DOCK11: variants seen among roughly 807,000 people sequenced by gnomAD.
DOCK11 encodes the protein dedicator of cytokinesis protein 11.
DOCK11 carries 70 observed loss-of-function variants against 169.1 expected under a neutral mutation model. The ratio of observed to expected loss-of-function variants is 0.41; its 90% CI spans 0.34 to 0.51. The LOEUF (loss-of-function observed/expected upper bound fraction) is 0.51. DOCK11 is among the 20% of genes least tolerant of loss of function. DOCK11 has a pLI of 0.10. For missense variants in DOCK11, 1,166 were observed against 1,538.8 expected (o/e 0.76, Z 4.05); for synonymous variants, 529 against 541.3 (o/e 0.98, Z 0.32).
chrX:118,630,287 CCAAA>C (rs1375709514), intron 34 of DOCK11, 88 bp from the exon 35 acceptor site: 4 of 504,713 alleles, frequency 7.9e-6, no homozygotes, highest in Admixed American at 3.2e-5. Context: ...TAGAATTTTC[CCAAA>C]CAGATCTAAT....
intron 31 of DOCK11, among the ~76,000 whole-genome samples, chrX:118,622,472 A>G (rs760989963): frequency 9.0e-6 from 1 of 111,538 alleles, no homozygotes; most frequent in Admixed American, 9.6e-5. Context: ...AATTTTTAAC[A>G]TATTTGGCAA....
In DOCK11 at chrX:118,636,372, G is replaced by A. The variant is rs376951779; in HGVS notation, c.3913G>A (p.Val1305Ile). The A allele has an allele frequency of 9.1e-7, 1 of 1,098,054 alleles. No individual in the cohort carries two copies. Among genetic ancestry groups the A allele is most frequent in the Non-Finnish European group, 1.2e-6 (1 of 810,086 alleles). 90.5% of individuals were successfully genotyped at this position (1,098,054 alleles called of 1,213,427 possible). A position where few individuals can be genotyped will look rare whatever the true frequency, so the allele number is the denominator to read the frequency against. ...TACTCTCTTAACTTACTGGAATAAA[G>A]TATCACCTCAGGAGCTCATAAACAT... ...EDTLLTYWNK[V>I]SPQELINILI... Residue 1305 changes from valine (V) to isoleucine (I), a missense_variant, in exon 36 of 53, where the codon GTA becomes ATA. Coordinates refer to ENST00000276202, the MANE Select transcript of DOCK11 (RefSeq NM_144658.4).
intron 45 of DOCK11, among the ~76,000 whole-genome samples, chrX:118,665,972 A>G (rs1431610208): frequency 8.9e-6 from 1 of 112,039 alleles, no homozygotes; most frequent in Non-Finnish European, 1.9e-5. Flanking sequence ...TTAATATATA[A>G]TTGGGCTGGG....
chrX:118,568,259 G>A (rs2013139836), intron 10 of DOCK11, 97 bp downstream of exon 10: 1 of 498,244 alleles, frequency 2.0e-6, no homozygotes, highest in Non-Finnish European at 3.1e-6. Flanking sequence ...TCTTGCACCA[G>A]TGGGGAATAT....
At chrX:118,544,644 G>GTTTTTTTTT (rs1439441148) in intron 4 of DOCK11, among the ~76,000 whole-genome samples, 2 of 45,743 alleles carry the variant, frequency 4.4e-5, no homozygotes, top group South Asian at 1.4e-3. Flanking sequence ...TTACACTGTT[G>GTTTTTTTTT]CTTTTTTTTT....
intron 46 of DOCK11, among the ~76,000 whole-genome samples, chrX:118,671,568 T>C (rs973802983): frequency 8.9e-6 from 1 of 112,088 alleles, no homozygotes; most frequent in East Asian, 2.8e-4. Context: ...CTTATGAAAA[T>C]AAAGTAAAAC....
intron 8 of DOCK11, 84 bp downstream of exon 8, chrX:118,566,266 G>A: frequency 2.2e-6 from 2 of 905,416 alleles, no homozygotes; most frequent in Non-Finnish European, 1.5e-6. Flanking sequence ...GGTGAGTAGA[G>A]AACTCTTAAT....
At chrX:118,604,123 G>C (rs1256055574) in intron 23 of DOCK11, among the ~76,000 whole-genome samples, 1 of 111,653 alleles carries the variant, frequency 9.0e-6, no homozygotes, top group Non-Finnish European at 1.9e-5. Context: ...CCCTGGTTGT[G>C]ACCACCAAAA....
chrX:118,624,753 A>ATT, intron 32 of DOCK11, 98 bp downstream of exon 32: 8 of 309,132 alleles, frequency 2.6e-5, no homozygotes, highest in Admixed American at 6.7e-5. Flanking sequence ...TTAAGAGTTC[A>ATT]CTTTTTTTTT....
In DOCK11 at chrX:118,597,449, C is replaced by G; in HGVS notation, c.2282C>G (p.Pro761Arg). Reference protein sequence around the residue: ...VETPVGFAWVPLLKDGRIITF... With the variant: ...VETPVGFAWVRLLKDGRIITF... ...TTGGCAGTTGGGTTTGCCTGGGTAC[C>G]TTTGCTGAAAGATGGTAGAATCATC... The change falls in exon 21 of 53, where the codon CCT becomes CGT. Residue 761 changes from proline (P) to arginine (R), a missense_variant. Transcript: ENST00000276202. 8.3e-7 allele frequency: 1 copy of G among 1,211,206 alleles called. No homozygotes were observed. The highest frequency in any genetic ancestry group is 1.8e-5 in the South Asian group (1 of 56,954).
intron 12 of DOCK11, among the ~76,000 whole-genome samples, chrX:118,574,308 G>A (rs902180291): frequency 3.6e-5 from 4 of 112,106 alleles, no homozygotes; most frequent in Non-Finnish European, 5.6e-5. Flanking sequence ...GCTCACGCCT[G>A]TAATCCCAGC....
intron 50 of DOCK11, 101 bp from the exon 51 acceptor site, chrX:118,681,593 C>T: frequency 1.8e-6 from 1 of 565,494 alleles, no homozygotes; most frequent in East Asian, 3.7e-5. Context: ...ATATGGATTT[C>T]TTGTATATTT....
At chrX:118,511,686 C>G (rs766377893) in intron 1 of DOCK11, among the ~76,000 whole-genome samples, 7 of 111,169 alleles carry the variant, frequency 6.3e-5, no homozygotes, top group African/African-American at 2.3e-4. Flanking sequence ...CGCCTGGGAA[C>G]CCTGGAACCT....
At position 118,589,483 on chromosome X, in the gene DOCK11, T is replaced by C. The variant is rs181989657; in HGVS notation, c.2047-727T>C. On this transcript the variant is annotated intron_variant, in intron 18 of 52. Coordinates refer to ENST00000276202, the MANE Select transcript of DOCK11 (RefSeq NM_144658.4). Reference sequence around the variant, plus strand: ...CTTAGCTGGCCTGGATTGCTCACTCTAAAGTAACAGAATGAGGCAATTAGT... The same window carrying C: ...CTTAGCTGGCCTGGATTGCTCACTCCAAAGTAACAGAATGAGGCAATTAGT... Among the ~76,000 whole-genome samples the C allele has an allele frequency of 1.4e-4, 16 of 111,877 alleles. No homozygotes were observed. In the East Asian group the frequency reaches 4.2e-3, roughly 29 times the overall value.
chrX:118,509,842 T>C (rs945748533), intron 1 of DOCK11, among the ~76,000 whole-genome samples: 1 of 112,277 alleles, frequency 8.9e-6, no homozygotes. Flanking sequence ...GCCTGGTCTC[T>C]TCCAGCTTCT....
At chrX:118,609,991 G>A (rs766487455) in intron 27 of DOCK11, among the ~76,000 whole-genome samples, 2 of 111,921 alleles carry the variant, frequency 1.8e-5, no homozygotes, top group East Asian at 2.8e-4. Context: ...TGAAAACTGC[G>A]TTGTGTCTGT....
At chrX:118,571,469 G>A (rs2013271548) in intron 10 of DOCK11, among the ~76,000 whole-genome samples, 1 of 109,497 alleles carries the variant, frequency 9.1e-6, no homozygotes, top group African/African-American at 3.3e-5. Flanking sequence ...TCCCACCTCA[G>A]CCTCCCGAAT....
intron 1 of DOCK11, among the ~76,000 whole-genome samples, chrX:118,514,899 T>G (rs1243461764): frequency 8.9e-6 from 1 of 112,264 alleles, no homozygotes; most frequent in African/African-American, 3.2e-5. Context: ...CTGTGGCTGC[T>G]GTAACAAATT....
At chrX:118,542,370 C>T (rs5910374) in intron 1 of DOCK11, among the ~76,000 whole-genome samples, 1 of 109,825 alleles carries the variant, frequency 9.1e-6, no homozygotes, top group African/African-American at 3.3e-5. Context: ...GGGGTTTTCT[C>T]ATGTTGCCCA....
Sources: allele counts gnomAD v4.1 joint callset (sites outside exome capture counted in the v4.1 genomes callset), GRCh38; gene constraint gnomAD v4.1.1; transcripts MANE v1.5; gene names NCBI Gene and HGNC (gene_info 2026-07-23, HGNC 2026-07-21).